Variants in VPS50 observed in about 807,000 individuals in gnomAD.
The protein encoded by VPS50 is syndetin.
In VPS50, 70 loss-of-function variants were observed where a neutral mutation model predicts 139.7. The ratio of observed to expected loss-of-function variants is 0.50; its 90% CI spans 0.41 to 0.61. VPS50 has a LOEUF of 0.61. Among genes scored for constraint, VPS50 ranks in the 20% least tolerant of loss-of-function variants. The pLI, the probability that VPS50 is intolerant of heterozygous loss-of-function variation, is 0.00. For missense variants in VPS50, 921 were observed against 1,133.7 expected, an observed-to-expected ratio of 0.81 and a Z score of 2.69; for synonymous variants, 365 against 376.7, an observed-to-expected ratio of 0.97 and a Z score of 0.36.
At chr7:93,351,131 G>A (rs1001508885) in intron 25 of VPS50, among the ~76,000 whole-genome samples, 4 of 152,164 alleles carry the variant, frequency 2.6e-5, no homozygotes, top group South Asian at 4.2e-4. Context: ...TCCAGACTCC[G>A]GGACTAATTG....
At position 93,289,804 on chromosome 7, in the gene VPS50, C is replaced by T. The variant is rs575941250; in HGVS notation, c.943-1899C>T. ...AAGTGATGTGCGATGCCATCTTTATCATATACCAGATTTGTATATGAGACC... is the reference window on the plus strand; with the variant it reads ...AAGTGATGTGCGATGCCATCTTTATTATATACCAGATTTGTATATGAGACC... On this transcript the variant is annotated intron_variant, in intron 12 of 27. Coordinates refer to ENST00000305866, the MANE Select transcript of VPS50 (RefSeq NM_017667.4). Among the ~76,000 whole-genome samples, 4 of 152,150 alleles carry T rather than the reference C, an allele frequency of 2.6e-5. No individual in the cohort carries two copies. In the East Asian group the frequency reaches 5.8e-4, roughly 22 times the overall value.
intron 24 of VPS50, among the ~76,000 whole-genome samples, chr7:93,349,666 C>CA (rs1798502732): frequency 6.6e-6 from 1 of 152,114 alleles, no homozygotes; most frequent in Non-Finnish European, 1.5e-5. Flanking sequence ...TCAATGGCTT[C>CA]AAGTTTATTG....
chr7:93,327,824 A>G (rs1797825378), intron 21 of VPS50, among the ~76,000 whole-genome samples: 1 of 152,170 alleles, frequency 6.6e-6, no homozygotes, highest in African/African-American at 2.4e-5. Context: ...TGTTAGTGGT[A>G]CCGGGGAGGG....
chr7:93,344,414 C>A (rs1798323966), intron 23 of VPS50, among the ~76,000 whole-genome samples: 2 of 152,108 alleles, frequency 1.3e-5, no homozygotes, highest in Non-Finnish European at 2.9e-5. Flanking sequence ...CAACATTAGA[C>A]AGATCAACGA....
chr7:93,331,911 A>G (rs1042196816), intron 21 of VPS50, among the ~76,000 whole-genome samples: 11 of 152,242 alleles, frequency 7.2e-5, no homozygotes, highest in African/African-American at 1.9e-4. Flanking sequence ...AAGAGATTTT[A>G]TCAGGTATCT....
chr7:93,353,322 C>G (rs1178254515), intron 25 of VPS50, among the ~76,000 whole-genome samples: 3 of 152,106 alleles, frequency 2.0e-5, no homozygotes, highest in Non-Finnish European at 4.4e-5. Flanking sequence ...TCATTCAGCT[C>G]TATTCATCTG....
intron 10 of VPS50, among the ~76,000 whole-genome samples, chr7:93,272,069 G>A (rs1796025742): frequency 6.6e-6 from 1 of 151,372 alleles, no homozygotes; most frequent in Non-Finnish European, 1.5e-5. Context: ...TGAGAGCCCA[G>A]GATTTCTTCA....
At chr7:93,315,205 A>C (rs1046485897) in intron 20 of VPS50, among the ~76,000 whole-genome samples, 1 of 152,122 alleles carries the variant, frequency 6.6e-6, no homozygotes, top group African/African-American at 2.4e-5. Flanking sequence ...TACACTTAAA[A>C]TATCTTAATG....
Position 93,348,751 on chromosome 7 carries a change from C to A in VPS50, c.2248C>A (p.Leu750Met). ...ACAGTTTGAGTTCCTTCAGCCACATCTGGATGCTGTGATGCCTGCAGTCAA... is the reference window on the plus strand; with the variant it reads ...ACAGTTTGAGTTCCTTCAGCCACATATGGATGCTGTGATGCCTGCAGTCAA... Reference protein sequence around the residue: ...AEQFEFLQPHLDAVMPAVKKP... With the variant: ...AEQFEFLQPHMDAVMPAVKKP... The change falls in exon 24 of 28, where the codon CTG (leucine) becomes ATG (methionine). Residue 750 changes from leucine to methionine, a missense_variant. Transcript: ENST00000305866. 6.2e-7 allele frequency: 1 copy of A among 1,613,816 alleles called. No homozygotes were observed. The highest frequency in any genetic ancestry group is 1.3e-5 in the African/African-American group (1 of 75,036).
intron 20 of VPS50, chr7:93,320,706 G>A (rs1019448717): frequency 6.6e-6 from 1 of 152,180 alleles, no homozygotes; most frequent in Non-Finnish European, 1.5e-5. Context: ...TTTCTATTTT[G>A]TTTTATGGGT....
At chr7:93,232,877 A>G (rs1483099546) in intron 1 of VPS50, among the ~76,000 whole-genome samples, 1 of 152,200 alleles carries the variant, frequency 6.6e-6, no homozygotes, top group Admixed American at 6.5e-5. Context: ...TGGTCTGTGC[A>G]GTAGAGGTGA....
chr7:93,236,056 T>C (rs539098251), intron 1 of VPS50, among the ~76,000 whole-genome samples: 1 of 152,182 alleles, frequency 6.6e-6, no homozygotes, highest in Non-Finnish European at 1.5e-5. Context: ...ACCTGGAATA[T>C]AGCAGATGCT....
intron 9 of VPS50, among the ~76,000 whole-genome samples, chr7:93,260,543 T>C (rs2116846295): frequency 6.6e-6 from 1 of 152,118 alleles, no homozygotes; most frequent in East Asian, 1.9e-4. Context: ...GAATTAATTT[T>C]TAAAAAATTA....
At chr7:93,308,964 G>A (rs775271001) in intron 19 of VPS50, 22 bp downstream of exon 19, 1 of 1,221,018 alleles carries the variant, frequency 8.2e-7, no homozygotes, top group Non-Finnish European at 1.2e-6. Flanking sequence ...TAAATTGTGT[G>A]GTATTTAGCA....
At chr7:93,257,908 G>T (rs770764767) in intron 6 of VPS50, 1 of 318,960 alleles carries the variant, frequency 3.1e-6, no homozygotes, top group East Asian at 5.6e-5. Context: ...GTTTTTAAGC[G>T]CTTATTCTCA....
At chr7:93,345,852 C>T (rs1798377334) in intron 23 of VPS50, among the ~76,000 whole-genome samples, 1 of 152,162 alleles carries the variant, frequency 6.6e-6, no homozygotes, top group South Asian at 2.1e-4. Flanking sequence ...CTATCTATGA[C>T]AAACCCACAG....
At chr7:93,349,363 C>G (rs1798494473) in intron 24 of VPS50, among the ~76,000 whole-genome samples, 1 of 152,166 alleles carries the variant, frequency 6.6e-6, no homozygotes. Flanking sequence ...GTAAAGCACC[C>G]TGCTTCAGGA....
rs557981874 is a variant in VPS50, at chr7:93,319,853, T to C, written c.1856-3758T>C. On this transcript the variant is annotated intron_variant, in intron 20 of 27. Coordinates refer to ENST00000305866, the MANE Select transcript of VPS50 (RefSeq NM_017667.4). The stretch of plus-strand genomic sequence containing the variant: ...TTCTCAAATGTTTCCCACAGTATTG[T>C]CTTTTGCTGTACCTTTTAGGAGACT... Among the ~76,000 whole-genome samples, 477 of 152,266 alleles carry C rather than the reference T, an allele frequency of 3.1e-3. 3 individuals are homozygous for C. The highest frequency in any genetic ancestry group is 0.011 in the African/African-American group (455 of 41,580).
chr7:93,327,235 T>C lies in VPS50; in HGVS notation c.1977+3503T>C, dbSNP rs755421107. ...GGCTGTTGAGCGCTTGAAATATGTA[T>C]GACTAATGACTTAGGAACTGTATTC... On this transcript the variant is annotated intron_variant, in intron 21 of 27. Coordinates refer to ENST00000305866, the MANE Select transcript of VPS50 (RefSeq NM_017667.4). Among the ~76,000 whole-genome samples, 74 of 152,202 alleles carry C rather than the reference T, an allele frequency of 4.9e-4. 2 individuals are homozygous for C. Among genetic ancestry groups the C allele is most frequent in the Non-Finnish European group, 3.5e-4 (24 of 68,028 alleles).
Sources: allele counts gnomAD v4.1 joint callset (sites outside exome capture counted in the v4.1 genomes callset), GRCh38; gene constraint gnomAD v4.1.1; transcripts MANE v1.5; gene names NCBI Gene and HGNC (gene_info 2026-07-23, HGNC 2026-07-21).